HDAC9: variants seen among roughly 807,000 people sequenced by gnomAD.
The protein encoded by HDAC9 is histone deacetylase 9, also known as MEF-2 interacting transcription repressor (MITR) protein.
In HDAC9, 41 loss-of-function variants were observed where a neutral mutation model predicts 139.4. That is an observed-to-expected ratio of 0.29 (90% CI 0.23 to 0.38). HDAC9 has a LOEUF of 0.38. Among genes scored for constraint, HDAC9 ranks in the 10% least tolerant of loss-of-function variants. The pLI is 1.00. For missense variants in HDAC9, 1,147 were observed against 1,297.0 expected, an observed-to-expected ratio of 0.88 and a Z score of 1.78; for synonymous variants, 517 against 476.2, an observed-to-expected ratio of 1.09 and a Z score of -1.12.
chr7:18,166,306 A>G (rs577207621), intron 2 of HDAC9, among the ~76,000 whole-genome samples: 1 of 152,126 alleles, frequency 6.6e-6, no homozygotes, highest in Non-Finnish European at 1.5e-5. Context: ...TCTTTTCACC[A>G]TTGTGGGAAG....
At chr7:18,567,405 CT>C (rs1822727788) in intron 2 of HDAC9, among the ~76,000 whole-genome samples, 1 of 152,154 alleles carries the variant, frequency 6.6e-6, no homozygotes. Flanking sequence ...CATGATAATA[CT>C]TACCTTTTTA....
chr7:18,752,231 T>C (rs1788513626), intron 14 of HDAC9, among the ~76,000 whole-genome samples: 1 of 152,078 alleles, frequency 6.6e-6, no homozygotes, highest in African/African-American at 2.4e-5. Flanking sequence ...TGGAGGCAAG[T>C]GATCTGTGTG....
chr7:18,465,097 C>T (rs1487246331), intron 1 of HDAC9, among the ~76,000 whole-genome samples: 2 of 152,050 alleles, frequency 1.3e-5, no homozygotes, highest in African/African-American at 2.4e-5. Flanking sequence ...TTAGTTCTTT[C>T]TACAAGTGTT....
chr7:18,885,121 T>C (rs540705883), intron 22 of HDAC9, among the ~76,000 whole-genome samples: 2 of 152,322 alleles, frequency 1.3e-5, no homozygotes, highest in African/African-American at 4.8e-5. Context: ...ACATTCTGCT[T>C]AAGTTATCAA....
At chr7:18,106,399 C>G (rs1554298717) in intron 1 of HDAC9, among the ~76,000 whole-genome samples, 1 of 152,108 alleles carries the variant, frequency 6.6e-6, no homozygotes, top group Non-Finnish European at 1.5e-5. Context: ...GTCTGCTAAT[C>G]TACAAACTCT....
At chr7:18,245,601 G>T (rs1441625743) in intron 2 of HDAC9, among the ~76,000 whole-genome samples, 1 of 152,148 alleles carries the variant, frequency 6.6e-6, no homozygotes, top group African/African-American at 2.4e-5. Context: ...CACTCAAAAA[G>T]GCTAACTTCA....
chr7:18,847,140 T>C (rs1796962394), intron 21 of HDAC9, among the ~76,000 whole-genome samples: 1 of 152,164 alleles, frequency 6.6e-6, no homozygotes. Context: ...ATATGTTCCA[T>C]CAACATCAGC....
chr7:18,667,864 A>G, intron 12 of HDAC9: 6 of 983,284 alleles, frequency 6.1e-6, no homozygotes, highest in Non-Finnish European at 7.2e-6. Flanking sequence ...ACCTTGTTTT[A>G]TAGGTTTACT....
intron 1 of HDAC9, among the ~76,000 whole-genome samples, chr7:18,102,411 T>G (rs895122683): frequency 6.6e-6 from 1 of 152,222 alleles, no homozygotes; most frequent in Non-Finnish European, 1.5e-5. Flanking sequence ...CAAATTAAAA[T>G]TAACTTTTTC....
intron 22 of HDAC9, among the ~76,000 whole-genome samples, chr7:18,926,329 AGAGT>A (rs1804226127): frequency 6.6e-6 from 1 of 152,208 alleles, no homozygotes; most frequent in Non-Finnish European, 1.5e-5. Context: ...CCTGGATGAC[AGAGT>A]GAGACTTCAT....
intron 25 of HDAC9, among the ~76,000 whole-genome samples, chr7:18,981,118 C>T (rs947475775): frequency 3.9e-5 from 6 of 152,042 alleles, no homozygotes; most frequent in African/African-American, 1.4e-4. Flanking sequence ...GCCACCGTGC[C>T]CGGCCTGTTT....
At chr7:18,375,308 A>G (rs1784907068) in intron 1 of HDAC9, among the ~76,000 whole-genome samples, 1 of 152,106 alleles carries the variant, frequency 6.6e-6, no homozygotes, top group East Asian at 1.9e-4. Flanking sequence ...CATCTCTACT[A>G]AAAATACAAA....
chr7:18,895,984 A>T (rs946788867), intron 22 of HDAC9, among the ~76,000 whole-genome samples: 1 of 152,128 alleles, frequency 6.6e-6, no homozygotes. Flanking sequence ...TAAAGAAAAC[A>T]TTTGTTTATT....
intron 12 of HDAC9, among the ~76,000 whole-genome samples, chr7:18,713,045 A>G (rs935640015): frequency 1.3e-5 from 2 of 152,166 alleles, no homozygotes; most frequent in African/African-American, 4.8e-5. Flanking sequence ...GTTCCGTTTG[A>G]TGAGCATAGT....
chr7:18,282,158 A>G (rs893065538), intron 2 of HDAC9, among the ~76,000 whole-genome samples: 2 of 152,046 alleles, frequency 1.3e-5, no homozygotes, highest in African/African-American at 2.4e-5. Context: ...AAAACTAAAT[A>G]CTGTTTATTG....
chr7:18,435,059 C>CAAAAAAAAAA (rs376786180), intron 1 of HDAC9, among the ~76,000 whole-genome samples: 84 of 67,738 alleles, frequency 1.2e-3, no homozygotes, highest in South Asian at 1.5e-3. Flanking sequence ...ACTACACAGC[C>CAAAAAAAAAA]AAAAAAAAAA....
chr7:18,782,029 C>G (rs1791283014), intron 16 of HDAC9, among the ~76,000 whole-genome samples: 1 of 152,062 alleles, frequency 6.6e-6, no homozygotes, highest in African/African-American at 2.4e-5. Context: ...ACCTCTGTTT[C>G]TTTGTTGAGT....
intron 22 of HDAC9, among the ~76,000 whole-genome samples, chr7:18,878,249 T>C (rs1799469629): frequency 6.6e-6 from 1 of 152,208 alleles, no homozygotes; most frequent in Non-Finnish European, 1.5e-5. Context: ...ATATTTTTTC[T>C]TCCCTTTCAA....
At chr7:18,649,014 T>G (rs1055969232) in intron 11 of HDAC9, among the ~76,000 whole-genome samples, 2 of 152,182 alleles carry the variant, frequency 1.3e-5, no homozygotes, top group African/African-American at 2.4e-5. Context: ...GAGGCAGACT[T>G]GAATGTGGTG....
Sources: gnomAD v4.1 joint callset for allele counts (sites outside exome capture counted in the v4.1 genomes callset) on GRCh38, gnomAD v4.1.1 for gene constraint, MANE v1.5 for transcripts, NCBI Gene and HGNC (gene_info 2026-07-23, HGNC 2026-07-21) for gene names.